Variants in HIF1A observed in about 807,000 individuals in gnomAD.
The protein encoded by HIF1A is hypoxia inducible factor 1 subunit alpha.
Under a neutral mutation model 92.7 loss-of-function variants are expected in HIF1A, and 24 were observed. The ratio of observed to expected loss-of-function variants is 0.26; its 90% CI spans 0.19 to 0.36. The LOEUF (loss-of-function observed/expected upper bound fraction) is 0.36. Ranked by LOEUF, HIF1A falls within the 10% of genes least tolerant of loss-of-function variation. HIF1A has a pLI of 1.00. For missense variants in HIF1A, 799 were observed against 998.5 expected (o/e 0.80, Z 2.69); for synonymous variants, 319 against 338.7 (o/e 0.94, Z 0.64).
intron 1 of HIF1A, among the ~76,000 whole-genome samples, chr14:61,703,094 A>C (rs929120214): frequency 5.9e-5 from 9 of 152,174 alleles, no homozygotes; most frequent in African/African-American, 2.2e-4. Flanking sequence ...ATTCTCAAAA[A>C]AGTGAGAAAA....
At position 61,747,196 on chromosome 14, in the gene HIF1A, A is replaced by G. The variant is rs769353565; in HGVS notation, c.*111A>G. 2 of 858,442 alleles carry G rather than the reference A, an allele frequency of 2.3e-6. No individual in the cohort carries two copies. The highest frequency in any genetic ancestry group is 3.3e-6 in the Non-Finnish European group (2 of 597,606). 53.2% of individuals were successfully genotyped at this position (858,442 alleles called of 1,614,324 possible). A position where few individuals can be genotyped will look rare whatever the true frequency, so the allele number is the denominator to read the frequency against. On this transcript the variant is annotated 3_prime_UTR_variant, in exon 15 of 15. Transcript: ENST00000337138. ...AGAAGCCTGGCTACAATACTGCACA[A>G]ACTTGGTTAGTTCAATTTTGATCCC...
chr14:61,706,120 TA>T (rs2044236980), intron 1 of HIF1A, among the ~76,000 whole-genome samples: 1 of 151,986 alleles, frequency 6.6e-6, no homozygotes, highest in Non-Finnish European at 1.5e-5. Flanking sequence ...TAAGAGCATA[TA>T]AATAAGGGAA....
rs879114469 is a variant in HIF1A, at chr14:61,732,648, T to A, written c.880+124T>A. 6 of 538,290 alleles carry A rather than the reference T, an allele frequency of 1.1e-5. No homozygotes were observed. The South Asian group carries it at 1.2e-4, about 11-fold the overall frequency. The allele number at this position is 538,290 out of a possible 1,614,324, so 33.3% of individuals were successfully genotyped here. ...AGACTAAATGTGTTAACAGGCCTAT[T>A]CAGTAGAGATCTTGACCATTTTGTG... On this transcript the variant is annotated intron_variant, in intron 7 of 14. Transcript: ENST00000337138.
intron 12 of HIF1A, among the ~76,000 whole-genome samples, chr14:61,743,086 C>T (rs750454946): frequency 9.2e-5 from 14 of 151,998 alleles, no homozygotes; most frequent in Non-Finnish European, 2.1e-4. Flanking sequence ...ATTTTTGAGA[C>T]GGAGTTTTGC....
intron 13 of HIF1A, chr14:61,745,480 T>C: frequency 1.8e-6 from 1 of 566,046 alleles, no homozygotes; most frequent in Non-Finnish European, 3.2e-6. Context: ...TAATACATTC[T>C]GATATTTTCA....
intron 12 of HIF1A, among the ~76,000 whole-genome samples, chr14:61,744,344 G>A (rs2044750426): frequency 6.6e-6 from 1 of 151,984 alleles, no homozygotes; most frequent in Admixed American, 6.6e-5. Context: ...GAGCAACATA[G>A]TGAAATCCTG....
chr14:61,724,382 C>CTCTCTCTCTCTCTCTCTCTCT (rs1209295569), intron 4 of HIF1A, among the ~76,000 whole-genome samples: 1 of 30,148 alleles, frequency 3.3e-5, no homozygotes, highest in African/African-American at 5.5e-5. Context: ...TCTCTCTCTC[C>CTCTCTCTCTCTCTCTCTCTCT]CCCTCCCTCC....
At chr14:61,705,741 CAAAG>C (rs538022219) in intron 1 of HIF1A, among the ~76,000 whole-genome samples, 3 of 152,062 alleles carry the variant, frequency 2.0e-5, no homozygotes, top group Admixed American at 6.5e-5. Context: ...TTTTTAAAGA[CAAAG>C]AAACAGGATC....
chr14:61,740,840 C>T lies in HIF1A; in HGVS notation c.1745C>T (p.Pro582Leu). 2.5e-6 allele frequency: 4 copies of T among 1,614,042 alleles called. No homozygotes were observed. Among genetic ancestry groups the T allele is most frequent in the Non-Finnish European group, 3.4e-6 (4 of 1,179,958 alleles). ...FQLRSFDQLSPLESSSASPES... is the reference protein window; with the variant it reads ...FQLRSFDQLSLLESSSASPES... ...TTACGTTCCTTCGATCAGTTGTCAC[C>T]ATTAGAAAGCAGTTCCGCAAGCCCT... The change falls in exon 12 of 15, where the codon CCA becomes CTA. Residue 582 changes from proline (P) to leucine (L), a missense_variant. By Grantham distance (98) the Pro-to-Leu change is moderately conservative. Around this residue, in one of 2 missense-constraint regions of HIF1A, gnomAD observed 516 missense variants for 721.0 expected, o/e 0.72. Coordinates refer to ENST00000337138, the MANE Select transcript of HIF1A (RefSeq NM_001530.4).
intron 4 of HIF1A, among the ~76,000 whole-genome samples, chr14:61,724,377 CT>C (rs1234547976): frequency 1.3e-5 from 2 of 150,624 alleles, no homozygotes; most frequent in African/African-American, 4.9e-5. Context: ...CTCTCTCTCT[CT>C]CTCCCCCTCC....
intron 2 of HIF1A, 115 bp from the exon 3 acceptor site, chr14:61,721,394 G>T (rs2044425266): frequency 1.3e-6 from 1 of 760,290 alleles, no homozygotes; most frequent in Non-Finnish European, 2.1e-6. Context: ...TGTTGAAATG[G>T]CTGTATATAT....
At chr14:61,697,705 A>G in intron 1 of HIF1A, 1 of 1,241,002 alleles carries the variant, frequency 8.1e-7, no homozygotes. Context: ...AATTAAGTTA[A>G]ACACTTAATA....
intron 1 of HIF1A, among the ~76,000 whole-genome samples, chr14:61,709,700 ATT>A (rs943966529): frequency 6.6e-6 from 1 of 152,184 alleles, no homozygotes; most frequent in Admixed American, 6.5e-5. Flanking sequence ...GAAACAAACC[ATT>A]TCATCTGTTT....
chr14:61,720,134 T>C (rs1356147252), intron 1 of HIF1A, among the ~76,000 whole-genome samples: 3 of 152,340 alleles, frequency 2.0e-5, no homozygotes, highest in Middle Eastern at 6.8e-3. Flanking sequence ...AAACACCTGC[T>C]TCCGACAGGT....
chr14:61,708,266 T>C (rs1347515546), intron 1 of HIF1A, among the ~76,000 whole-genome samples: 7 of 152,212 alleles, frequency 4.6e-5, no homozygotes, highest in African/African-American at 1.7e-4. Flanking sequence ...CTGTTCACTC[T>C]GATGGTAGTT....
At chr14:61,737,778 G>A (rs959973648) in intron 9 of HIF1A, among the ~76,000 whole-genome samples, 5 of 152,204 alleles carry the variant, frequency 3.3e-5, no homozygotes, top group African/African-American at 9.7e-5. Context: ...TGTAATCCCA[G>A]CACTTTGGGA....
chr14:61,740,709 A>G, intron 11 of HIF1A, 46 bp from the exon 12 acceptor site: 1 of 1,551,768 alleles, frequency 6.4e-7, no homozygotes, highest in South Asian at 1.2e-5. Context: ...TTTTTTATTT[A>G]TAAGGTGTGG....
At chr14:61,746,496 C>T (rs1244697604) in intron 14 of HIF1A, among the ~76,000 whole-genome samples, 1 of 149,120 alleles carries the variant, frequency 6.7e-6, no homozygotes, top group African/African-American at 2.5e-5. Flanking sequence ...CTCCTGTGCT[C>T]AAGCTCAAGC....
In HIF1A at chr14:61,744,739, A is replaced by G. The variant is rs755787915; in HGVS notation, c.2128A>G (p.Ile710Val). 14 of 1,593,890 alleles carry G rather than the reference A, an allele frequency of 8.8e-6. No individual in the cohort carries two copies. Among genetic ancestry groups the G allele is most frequent in the Non-Finnish European group, 1.2e-5 (14 of 1,164,024 alleles). ...TVPEEELNPK[I>V]LALQNAQRKR... is the part of the protein sequence containing the mutation. ...TCCTGAGGAAGAACTAAATCCAAAG[A>G]TACTAGCTTTGCAGAATGCTCAGAG... The change falls in exon 13 of 15, where the codon ATA (isoleucine) becomes GTA (valine). Residue 710 changes from isoleucine (I) to valine (V), a missense_variant. Transcript: ENST00000337138.
Sources: gnomAD v4.1 joint callset for allele counts (sites outside exome capture counted in the v4.1 genomes callset) on GRCh38, gnomAD v4.1.1 for gene constraint, gnomAD v4.1.1 regional missense constraint, MANE v1.5 for transcripts, NCBI Gene and HGNC (gene_info 2026-07-23, HGNC 2026-07-21) for gene names.